Variants in SLC24A2 observed in about 807,000 individuals in gnomAD.
SLC24A2 encodes the protein sodium/potassium/calcium exchanger 2.
A neutral mutation model predicts 62.0 loss-of-function variants in SLC24A2; 36 were observed. That is an observed-to-expected ratio of 0.58 (90% CI 0.44 to 0.77). SLC24A2 has a LOEUF of 0.77. SLC24A2 is among the 30% of genes least tolerant of loss of function. The pLI is 0.00. For missense variants in SLC24A2, 846 were observed against 817.9 expected (o/e 1.03, Z -0.42); for synonymous variants, 358 against 294.0 (o/e 1.22, Z -2.23).
At chr9:20,065,145 A>G in the SLC24A2 span, among the ~76,000 whole-genome samples, 6 of 152,242 alleles carry the variant, frequency 3.9e-5, no homozygotes, top group African/African-American at 1.4e-4. Context: ...CACATTTCAT[A>G]GCTCTGGGGA....
At chr9:19,764,005 A>C (rs1366775682) in intron 2 of SLC24A2, among the ~76,000 whole-genome samples, 1 of 152,102 alleles carries the variant, frequency 6.6e-6, no homozygotes, top group African/African-American at 2.4e-5. Context: ...TTATTGGTCT[A>C]CTCAGGGATT....
intron 9 of SLC24A2, among the ~76,000 whole-genome samples, chr9:19,521,620 G>A (rs901343883): frequency 6.6e-6 from 1 of 152,204 alleles, no homozygotes; most frequent in Non-Finnish European, 1.5e-5. Flanking sequence ...CTGTGGAGAA[G>A]CAAAATCCAG....
the SLC24A2 span, chr9:19,895,651 T>C: frequency 2.3e-5 from 13 of 566,956 alleles, no homozygotes; most frequent in East Asian, 3.8e-4. Context: ...GGGCACCAAG[T>C]CTGCTCCCCT....
At chr9:20,288,219 T>A in the SLC24A2 span, among the ~76,000 whole-genome samples, 1 of 152,146 alleles carries the variant, frequency 6.6e-6, no homozygotes, top group Non-Finnish European at 1.5e-5. Flanking sequence ...ACATCAGTAT[T>A]TTCTGCATCT....
chr9:20,104,668 C>G, the SLC24A2 span, among the ~76,000 whole-genome samples: 4 of 152,110 alleles, frequency 2.6e-5, no homozygotes, highest in Admixed American at 6.5e-5. Context: ...TTGTCACCAC[C>G]AGGCCTGCCC....
chr9:20,151,633 A>T, the SLC24A2 span, among the ~76,000 whole-genome samples: 1 of 151,820 alleles, frequency 6.6e-6, no homozygotes, highest in Non-Finnish European at 1.5e-5. Flanking sequence ...GACCCCACTT[A>T]ACCACAAGTG....
At chr9:19,754,582 T>C (rs181370167) in intron 2 of SLC24A2, among the ~76,000 whole-genome samples, 1 of 152,152 alleles carries the variant, frequency 6.6e-6, no homozygotes, top group East Asian at 1.9e-4. Flanking sequence ...TCAAGCTGGA[T>C]TTAGAAGGTG....
At chr9:19,844,807 T>A in the SLC24A2 span, among the ~76,000 whole-genome samples, 4 of 152,192 alleles carry the variant, frequency 2.6e-5, no homozygotes, top group African/African-American at 9.6e-5. Flanking sequence ...GTTGACTTTG[T>A]TGAAGATCAG....
chr9:20,018,458 T>A, the SLC24A2 span, among the ~76,000 whole-genome samples: 1 of 152,130 alleles, frequency 6.6e-6, no homozygotes, highest in Non-Finnish European at 1.5e-5. Flanking sequence ...AGGTGGAGAT[T>A]ACAGGTGATC....
intron 4 of SLC24A2, among the ~76,000 whole-genome samples, chr9:19,601,259 C>CCAAT (rs1836832960): frequency 6.6e-6 from 1 of 152,122 alleles, no homozygotes; most frequent in Non-Finnish European, 1.5e-5. Context: ...GTAAAACACA[C>CCAAT]CAATCAGTAG....
the SLC24A2 span, among the ~76,000 whole-genome samples, chr9:20,138,601 C>A: frequency 6.6e-6 from 1 of 152,126 alleles, no homozygotes; most frequent in Non-Finnish European, 1.5e-5. Context: ...CAGCTTTGTA[C>A]GGAACTTAAA....
At chr9:19,754,190 G>A (rs1183213725) in intron 2 of SLC24A2, among the ~76,000 whole-genome samples, 1 of 152,152 alleles carries the variant, frequency 6.6e-6, no homozygotes, top group African/African-American at 2.4e-5. Flanking sequence ...TCAGTGGCAG[G>A]GTAGAAGAAA....
intron 10 of SLC24A2, among the ~76,000 whole-genome samples, chr9:19,519,787 G>C (rs1333123122): frequency 6.6e-6 from 1 of 152,222 alleles, no homozygotes; most frequent in African/African-American, 2.4e-5. Flanking sequence ...AAAAGGGTAA[G>C]TCAGAGTTTT....
At chr9:19,737,287 A>G (rs1474940693) in intron 2 of SLC24A2, among the ~76,000 whole-genome samples, 1 of 152,230 alleles carries the variant, frequency 6.6e-6, no homozygotes, top group Non-Finnish European at 1.5e-5. Context: ...CTTGACAAAT[A>G]TATCTTCATG....
chr9:20,017,855 G>A, the SLC24A2 span, among the ~76,000 whole-genome samples: 1 of 152,194 alleles, frequency 6.6e-6, no homozygotes, highest in African/African-American at 2.4e-5. Flanking sequence ...CAGATTTCCA[G>A]GTTGAGGGTG....
At chr9:19,643,669 A>T (rs1299241332) in intron 2 of SLC24A2, among the ~76,000 whole-genome samples, 1 of 152,186 alleles carries the variant, frequency 6.6e-6, no homozygotes, top group Non-Finnish European at 1.5e-5. Flanking sequence ...TCTCTGTAAC[A>T]TATATTTACT....
chr9:20,097,720 A>ATTTTTTTTTTTTTTTTTT, the SLC24A2 span, among the ~76,000 whole-genome samples: 7 of 69,114 alleles, frequency 1.0e-4, no homozygotes, highest in South Asian at 6.3e-4. Context: ...ATCTTAAATA[A>ATTTTTTTTTTTTTTTTTT]TTTTTTTTTT....
chr9:19,926,893 C>T, the SLC24A2 span: 1 of 152,508 alleles, frequency 6.6e-6, no homozygotes, highest in East Asian at 1.9e-4. Context: ...TGGAAGAGCC[C>T]CCGCCAGCGG....
chr9:20,199,191 G>A, the SLC24A2 span, among the ~76,000 whole-genome samples: 1 of 151,994 alleles, frequency 6.6e-6, no homozygotes, highest in Non-Finnish European at 1.5e-5. Flanking sequence ...CATTACTTTA[G>A]AAATGATACC....
Sources: allele counts gnomAD v4.1 joint callset (sites outside exome capture counted in the v4.1 genomes callset), GRCh38; gene constraint gnomAD v4.1.1; transcripts MANE v1.5; gene names NCBI Gene and HGNC (gene_info 2026-07-23, HGNC 2026-07-21).